The following SOX6 variants were observed in gnomAD, a reference collection of about 807,000 sequenced individuals.
SOX6 encodes the protein transcription factor SOX-6.
A neutral mutation model predicts 97.8 loss-of-function variants in SOX6; 11 were observed. The observed-to-expected ratio is 0.11, with a 90% CI of 0.07 to 0.19. The LOEUF (loss-of-function observed/expected upper bound fraction) is 0.19, where lower values mean the gene tolerates loss of function less well. Among genes scored for constraint, SOX6 ranks in the 10% least tolerant of loss-of-function variants. The probability of loss-of-function intolerance (pLI) is 1.00; values close to 1 mark genes in which losing one functional copy is unlikely to be tolerated. For synonymous variants in SOX6, 360 were observed against 371.4 expected, an observed-to-expected ratio of 0.97 and a Z score of 0.35; for missense variants, 810 against 1,039.5, an observed-to-expected ratio of 0.78 and a Z score of 3.04.
At chr11:16,617,250 G>T (rs1444929498) in intron 3 of SOX6, among the ~76,000 whole-genome samples, 1 of 151,786 alleles carries the variant, frequency 6.6e-6, no homozygotes, top group Non-Finnish European at 1.5e-5. Flanking sequence ...GCGTAAATCT[G>T]CAACAATGAT....
At chr11:16,268,718 T>C (rs936700685) in intron 3 of SOX6, among the ~76,000 whole-genome samples, 1 of 151,190 alleles carries the variant, frequency 6.6e-6, no homozygotes, top group Non-Finnish European at 1.5e-5. Context: ...CATTTTTACA[T>C]TTGTTTTTTG....
chr11:16,335,729 AGAAAT>A (rs1170556043), intron 2 of SOX6, among the ~76,000 whole-genome samples: 1 of 152,190 alleles, frequency 6.6e-6, no homozygotes, highest in Non-Finnish European at 1.5e-5. Context: ...CTCCATTCCC[AGAAAT>A]GGTACAAAGT....
At chr11:16,583,640 C>CATATGTATATAT (rs1342015213) in intron 4 of SOX6, among the ~76,000 whole-genome samples, 2 of 92,798 alleles carry the variant, frequency 2.2e-5, no homozygotes, top group Non-Finnish European at 5.0e-5. Flanking sequence ...TATATATACA[C>CATATGTATATAT]ATACACACAC....
intron 6 of SOX6, among the ~76,000 whole-genome samples, chr11:16,148,043 A>G (rs1213411342): frequency 2.0e-5 from 3 of 152,196 alleles, no homozygotes; most frequent in Non-Finnish European, 4.4e-5. Flanking sequence ...ATAAAAAACA[A>G]GCGATCTGTA....
chr11:16,334,438 T>TC (rs1454899091), intron 2 of SOX6, among the ~76,000 whole-genome samples: 3 of 151,390 alleles, frequency 2.0e-5, no homozygotes, highest in Admixed American at 2.0e-4. Context: ...CTCTACTTTT[T>TC]TTTTTTTGAG....
intron 4 of SOX6, among the ~76,000 whole-genome samples, chr11:16,523,787 G>A (rs1394291994): frequency 6.6e-6 from 1 of 151,962 alleles, no homozygotes; most frequent in Admixed American, 6.6e-5. Flanking sequence ...TCAATAAAAA[G>A]TGATAAAGGG....
At chr11:16,438,834 T>A (rs1393217164) in intron 1 of SOX6, among the ~76,000 whole-genome samples, 1 of 152,046 alleles carries the variant, frequency 6.6e-6, no homozygotes, top group Non-Finnish European at 1.5e-5. Flanking sequence ...TAAAAAGAGA[T>A]CCCCTTGCTC....
chr11:16,118,366 ATTCCTCACATCT>A, intron 6 of SOX6, among the ~76,000 whole-genome samples: 1 of 152,252 alleles, frequency 6.6e-6, no homozygotes, highest in Non-Finnish European at 1.5e-5. Flanking sequence ...TTGCTAGGGT[ATTCCTCACATCT>A]TTCAGAGAAT....
At chr11:16,611,557 G>T (rs761317448) in intron 4 of SOX6, among the ~76,000 whole-genome samples, 2 of 152,130 alleles carry the variant, frequency 1.3e-5, no homozygotes, top group Non-Finnish European at 2.9e-5. Context: ...CCTTAAACGG[G>T]ATAACAAATA....
At position 16,132,411 on chromosome 11, in the gene SOX6, AAG is replaced by A. The variant is rs1206957591; in HGVS notation, c.778-20490_778-20489del. Among the ~76,000 whole-genome samples the A allele has an allele frequency of 2.5e-3, 275 of 108,570 alleles. 22 individuals are homozygous for A. The highest frequency in any genetic ancestry group is 0.011 in the African/African-American group (260 of 23,804). 71.2% of individuals were successfully genotyped at this position (108,570 alleles called of 152,430 possible). On this transcript the variant is annotated intron_variant, in intron 6 of 15. Coordinates refer to ENST00000683767, the MANE Select transcript of SOX6 (RefSeq NM_001367873.1). ...GAAAGAAAGAAAGAAAAAAGAAAGA[AAG>A]AAAGAAAGAAAGAAAGAAAGAAAGA...
At chr11:16,416,047 A>T (rs1173716390) in intron 1 of SOX6, among the ~76,000 whole-genome samples, 1 of 152,182 alleles carries the variant, frequency 6.6e-6, no homozygotes, top group Non-Finnish European at 1.5e-5. Flanking sequence ...ACCTCTCCGT[A>T]CAATGAACAT....
chr11:16,572,299 T>C (rs916436817), intron 4 of SOX6, among the ~76,000 whole-genome samples: 6 of 152,194 alleles, frequency 3.9e-5, no homozygotes, highest in Non-Finnish European at 8.8e-5. Context: ...TGAATTGTGC[T>C]TCTAAAATTA....
At chr11:16,529,835 A>G (rs952907522) in intron 4 of SOX6, among the ~76,000 whole-genome samples, 2 of 152,100 alleles carry the variant, frequency 1.3e-5, no homozygotes, top group African/African-American at 2.4e-5. Flanking sequence ...AGAGAAAAAA[A>G]TCTTACCAAT....
At chr11:16,263,185 G>A (rs1853956252) in intron 3 of SOX6, among the ~76,000 whole-genome samples, 1 of 151,858 alleles carries the variant, frequency 6.6e-6, no homozygotes, top group African/African-American at 2.4e-5. Flanking sequence ...TGATGGTGAT[G>A]AACTCTAAAC....
intron 4 of SOX6, among the ~76,000 whole-genome samples, chr11:16,566,253 A>G (rs1847873442): frequency 6.6e-6 from 1 of 152,206 alleles, no homozygotes; most frequent in Non-Finnish European, 1.5e-5. Context: ...CTAAAGTGCT[A>G]CAGCAGAAGT....
At chr11:16,208,198 A>G (rs1220343604) in intron 4 of SOX6, among the ~76,000 whole-genome samples, 2 of 152,184 alleles carry the variant, frequency 1.3e-5, no homozygotes, top group Non-Finnish European at 2.9e-5. Flanking sequence ...ATGGGAAGAG[A>G]GTGCCTATTT....
chr11:16,637,558 T>TC (rs1379467997), intron 3 of SOX6, among the ~76,000 whole-genome samples: 1 of 152,204 alleles, frequency 6.6e-6, no homozygotes, highest in Non-Finnish European at 1.5e-5. Flanking sequence ...ACTATAAATT[T>TC]CCCCAAATAA....
intron 9 of SOX6, among the ~76,000 whole-genome samples, chr11:16,056,913 G>T (rs1590165455): frequency 6.6e-6 from 1 of 151,954 alleles, no homozygotes; most frequent in Admixed American, 6.6e-5. Flanking sequence ...AGTCATTCTT[G>T]TATACAGCTT....
chr11:16,452,597 G>A (rs1859739682), intron 1 of SOX6, among the ~76,000 whole-genome samples: 1 of 152,148 alleles, frequency 6.6e-6, no homozygotes, highest in Admixed American at 6.5e-5. Flanking sequence ...AAAATCTGTA[G>A]TGCTTTAAGT....
Sources: allele counts gnomAD v4.1 joint callset (sites outside exome capture counted in the v4.1 genomes callset), GRCh38; gene constraint gnomAD v4.1.1; transcripts MANE v1.5; gene names NCBI Gene and HGNC (gene_info 2026-07-23, HGNC 2026-07-21).